KDR: variants seen among roughly 807,000 people sequenced by gnomAD.
KDR encodes the protein kinase insert domain receptor.
In KDR, 43 loss-of-function variants were observed where a neutral mutation model predicts 160.9. The observed-to-expected ratio is 0.27, with a 90% CI of 0.21 to 0.34. The LOEUF (loss-of-function observed/expected upper bound fraction) is 0.34. Among genes scored for constraint, KDR ranks in the 10% least tolerant of loss-of-function variants. KDR has a pLI of 1.00. For synonymous variants in KDR, 617 were observed against 600.1 expected, an observed-to-expected ratio of 1.03 and a Z score of -0.41; for missense variants, 1,469 against 1,666.4, an observed-to-expected ratio of 0.88 and a Z score of 2.06.
In KDR at chr4:55,115,012, C is replaced by T. The variant is rs750228899; in HGVS notation, c.520G>A (p.Gly174Ser). 11 of 1,613,418 alleles carry T rather than the reference C, an allele frequency of 6.8e-6. No individual in the cohort carries two copies. In the African/African-American group the frequency reaches 1.1e-4, roughly 16 times the overall value. Reference sequence around the variant, plus strand: ...TTGCTGTCCCAGGAAATTCTGTTACCATCAGGAACAAATCTCTTTTCTGGG... The same window carrying T: ...TTGCTGTCCCAGGAAATTCTGTTACTATCAGGAACAAATCTCTTTTCTGGG... ...RYPEKRFVPD[G>S]NRISWDSKKG... The change falls in exon 5 of 30, where the codon GGT becomes AGT. Residue 174 changes from glycine (G) to serine (S), a missense_variant. By Grantham distance (56) the Gly-to-Ser change is moderately conservative. Around this residue, in one of 7 missense-constraint regions of KDR, gnomAD observed 792 missense variants for 840.9 expected, o/e 0.94. Transcript: ENST00000263923.
At position 55,091,025 on chromosome 4, in the gene KDR, A is replaced by G. The variant is rs554338241; in HGVS notation, c.3070-947T>C. ...GTGCCACCACGCCCAGCTAATTATT[A>G]TATTTTTAGTAGAGACGGGGTTTCA... On this transcript the variant is annotated intron_variant, in intron 22 of 29. Transcript: ENST00000263923. Among the ~76,000 whole-genome samples, 3 of 151,890 alleles carry G rather than the reference A, an allele frequency of 2.0e-5. No individual in the cohort carries two copies. The South Asian group carries it at 6.2e-4, about 32-fold the overall frequency.
intron 9 of KDR, among the ~76,000 whole-genome samples, chr4:55,108,304 C>A (rs1720493366): frequency 6.6e-6 from 1 of 152,018 alleles, no homozygotes. Context: ...GTGTTGAAAT[C>A]CTGTGCCTCT....
intron 3 of KDR, among the ~76,000 whole-genome samples, chr4:55,118,270 C>A (rs1394041110): frequency 6.6e-6 from 1 of 152,176 alleles, no homozygotes; most frequent in Non-Finnish European, 1.5e-5. Context: ...TAATTCACCC[C>A]CAAATCTTCC....
intron 29 of KDR, among the ~76,000 whole-genome samples, chr4:55,080,724 C>T (rs1327036799): frequency 4.6e-5 from 7 of 152,220 alleles, no homozygotes; most frequent in Non-Finnish European, 7.3e-5. Flanking sequence ...CTTGGAAGGA[C>T]TGAGAACCCC....
In KDR at chr4:55,081,940, T is replaced by C. The variant is rs537549131; in HGVS notation, c.3848+16A>G. ...TTCCTATTGAAATTTGTCTTTTTAA[T>C]ATGGCTGAGTCTTACCCAAAAGATG... On this transcript the variant is annotated intron_variant, in intron 29 of 29. Transcript: ENST00000263923. 4.3e-5 allele frequency: 67 copies of C among 1,570,560 alleles called. 1 individual carries two copies. The South Asian group carries it at 6.7e-4, about 16-fold the overall frequency.
Position 55,081,901 on chromosome 4 carries a change from G to T in KDR, c.3848+55C>A, listed in dbSNP as rs150001331. 9.6e-3 allele frequency: 12,206 copies of T among 1,270,380 alleles called. 75 individuals carry two copies. The highest frequency in any genetic ancestry group is 0.012 in the Non-Finnish European group (10,632 of 867,228). The allele number at this position is 1,270,380 out of a possible 1,614,324, so 78.7% of individuals were successfully genotyped here. A position where few individuals can be genotyped will look rare whatever the true frequency, so the allele number is the denominator to read the frequency against. On this transcript the variant is annotated intron_variant, in intron 29 of 29. Coordinates refer to ENST00000263923, the MANE Select transcript of KDR (RefSeq NM_002253.4). ...TCTGCACTTACACTGAAAGTCCTAA[G>T]TTCCTTCCAAAAATTCCTATTGAAA... is the stretch of plus-strand genomic sequence containing the variant.
intron 26 of KDR, among the ~76,000 whole-genome samples, chr4:55,088,006 T>C (rs1719905156): frequency 6.6e-6 from 1 of 152,036 alleles, no homozygotes; most frequent in African/African-American, 2.4e-5. Context: ...GCAGTTACAA[T>C]GAAGAGAAAG....
chr4:55,089,521 T>C (rs1182760117), intron 24 of KDR, 48 bp from the exon 25 acceptor site: 6 of 1,482,314 alleles, frequency 4.0e-6, no homozygotes, highest in East Asian at 4.5e-5. Flanking sequence ...TTTTCTCTTA[T>C]AGAAAACCCT....
At chr4:55,080,229 A>T in intron 29 of KDR, 66 bp from the exon 30 acceptor site, 1 of 1,433,564 alleles carries the variant, frequency 7.0e-7, no homozygotes, top group Non-Finnish European at 9.7e-7. Flanking sequence ...TTTTACCCTC[A>T]CCCCATTCCC....
chr4:55,085,281 C>T (rs369162867), intron 27 of KDR, among the ~76,000 whole-genome samples: 1 of 152,190 alleles, frequency 6.6e-6, no homozygotes, highest in Non-Finnish European at 1.5e-5. Flanking sequence ...GTCCCTCCCC[C>T]ACACACTTCT....
chr4:55,096,402 G>A, intron 18 of KDR, 60 bp from the exon 19 acceptor site: 1 of 1,241,116 alleles, frequency 8.1e-7, no homozygotes, highest in Non-Finnish European at 1.2e-6. Context: ...AATAATTGGG[G>A]TCCCTCCCTC....
At chr4:55,106,123 C>G (rs1352211929) in intron 11 of KDR, among the ~76,000 whole-genome samples, 183 bp from the exon 12 acceptor site, 1 of 152,010 alleles carries the variant, frequency 6.6e-6, no homozygotes, top group African/African-American at 2.4e-5. Flanking sequence ...ACGCTTGGGA[C>G]CAAAAGTGGT....
At chr4:55,086,685 T>C (rs1393890435) in intron 27 of KDR, among the ~76,000 whole-genome samples, 1 of 152,116 alleles carries the variant, frequency 6.6e-6, no homozygotes, top group Non-Finnish European at 1.5e-5. Context: ...TTCCCATCAG[T>C]GTTTCTGCTG....
chr4:55,086,912 T>G (rs1385605005), intron 27 of KDR, among the ~76,000 whole-genome samples: 1 of 152,116 alleles, frequency 6.6e-6, no homozygotes. Context: ...CAAAATGAAG[T>G]AGTCCCAGCC....
chr4:55,085,948 C>T (rs1578126463), intron 27 of KDR, among the ~76,000 whole-genome samples: 1 of 152,306 alleles, frequency 6.6e-6, no homozygotes, highest in South Asian at 2.1e-4. Context: ...AGGCTGCCGA[C>T]TCGGATCATC....
At chr4:55,112,078 A>C (rs771580856) in intron 7 of KDR, among the ~76,000 whole-genome samples, 36 of 152,344 alleles carry the variant, frequency 2.4e-4, no homozygotes, top group Non-Finnish European at 4.4e-4. Context: ...ATTTATGTAA[A>C]TGAAAGAGAA....
At chr4:55,086,881 C>T (rs911920615) in intron 27 of KDR, among the ~76,000 whole-genome samples, 5 of 152,148 alleles carry the variant, frequency 3.3e-5, no homozygotes, top group African/African-American at 7.2e-5. Context: ...AACACCCAAA[C>T]GGGTTAGGAA....
chr4:55,082,012 A>C lies in KDR; in HGVS notation c.3792T>G (p.Leu1264=). 1 of 1,613,846 alleles carries C rather than the reference A, an allele frequency of 6.2e-7. No individual in the cohort carries two copies. The highest frequency in any genetic ancestry group is 8.5e-7 in the Non-Finnish European group (1 of 1,179,712). The change falls in exon 29 of 30, where the codon CTT becomes CTG. Residue 1264 remains leucine, a synonymous_variant. Transcript: ENST00000263923. Reference sequence around the variant, plus strand: ...CCAAAGTTTTCAGCTCTTCTGAGGCAAGAACCATACCACTGTCCGTCTGGT... The same window carrying C: ...CCAAAGTTTTCAGCTCTTCTGAGGCCAGAACCATACCACTGTCCGTCTGGT... ...DDNQTDSGMV[L]ASEELKTLED... is the part of the protein sequence containing the mutation.
At position 55,095,615 on chromosome 4, in the gene KDR, A is replaced by G. The variant is rs773123092; in HGVS notation, c.2779T>C (p.Tyr927His). ...AATTCATTTCTCTTGCTCCTCAGGT[A>G]AGTGGACAGGTTTCCAAATTTGCAG... ...EFCKFGNLST[Y>H]LRSKRNEFVP... Residue 927 changes from tyrosine to histidine, a missense_variant, in exon 20 of 30, where the codon TAC becomes CAC. Tyr to His is a moderately conservative substitution (Grantham distance 83). Coordinates refer to ENST00000263923, the MANE Select transcript of KDR (RefSeq NM_002253.4). 3 of 1,613,630 alleles carry G rather than the reference A, an allele frequency of 1.9e-6. No homozygotes were observed. In the Admixed American group the frequency reaches 5.0e-5, roughly 27 times the overall value.
Sources: allele counts gnomAD v4.1 joint callset (sites outside exome capture counted in the v4.1 genomes callset), GRCh38; gene constraint gnomAD v4.1.1; regional missense constraint gnomAD v4.1.1; transcripts MANE v1.5; gene names NCBI Gene and HGNC (gene_info 2026-07-23, HGNC 2026-07-21).